DNAH8: variants seen among roughly 807,000 people sequenced by gnomAD.
DNAH8 encodes the protein dynein axonemal heavy chain 8, also known as axonemal beta dynein heavy chain 8.
DNAH8 carries 382 observed loss-of-function variants against 562.1 expected under a neutral mutation model. The observed-to-expected ratio is 0.68, with a 90% CI of 0.63 to 0.74. The LOEUF (loss-of-function observed/expected upper bound fraction) is 0.74, where lower values mean the gene tolerates loss of function less well. Ranked by LOEUF, DNAH8 falls within the 30% of genes least tolerant of loss-of-function variation. The pLI is 0.00. For synonymous variants in DNAH8, 1,881 were observed against 1,919.4 expected (o/e 0.98, Z 0.52); for missense variants, 5,203 against 5,620.4 (o/e 0.93, Z 2.37).
rs554862214 is a variant in DNAH8, at chr6:38,942,638, T to C, written c.12008-2829T>C. 7.9e-5 allele frequency among the ~76,000 whole-genome samples: 12 copies of C among 152,270 alleles called. No individual in the cohort carries two copies. In the South Asian group the frequency reaches 2.5e-3, roughly 32 times the overall value. On this transcript the variant is annotated intron_variant, in intron 79 of 92. Coordinates refer to ENST00000327475, the MANE Select transcript of DNAH8 (RefSeq NM_001206927.2). ...AAAGCTGTCAAGAAAGAGAACTTTGTACCTGCAGACAAAGGACCAATGCCA... is the reference window on the plus strand; with the variant it reads ...AAAGCTGTCAAGAAAGAGAACTTTGCACCTGCAGACAAAGGACCAATGCCA...
At chr6:39,027,757 C>T (rs1275752716) in intron 92 of DNAH8, among the ~76,000 whole-genome samples, 1 of 151,930 alleles carries the variant, frequency 6.6e-6, no homozygotes, top group Non-Finnish European at 1.5e-5. Flanking sequence ...ATACAGGAGG[C>T]GGAGGTTGCG....
At chr6:38,717,324 C>CTTAT in intron 1 of DNAH8, among the ~76,000 whole-genome samples, 1 of 152,098 alleles carries the variant, frequency 6.6e-6, no homozygotes, top group East Asian at 1.9e-4. Context: ...AATTTCAGGT[C>CTTAT]TTATTTATTT....
At chr6:38,791,297 C>T (rs1018699266) in intron 20 of DNAH8, among the ~76,000 whole-genome samples, 1 of 152,144 alleles carries the variant, frequency 6.6e-6, no homozygotes, top group Admixed American at 6.5e-5. Context: ...ATCAGTGCCT[C>T]CTGTGCTGGA....
At chr6:38,868,741 G>T (rs746166240) in intron 48 of DNAH8, among the ~76,000 whole-genome samples, 2 of 151,410 alleles carry the variant, frequency 1.3e-5, no homozygotes, top group Non-Finnish European at 2.9e-5. Flanking sequence ...TGCAATCTTG[G>T]CTCACTGCAA....
chr6:38,782,853 A>G (rs1466932928), intron 16 of DNAH8, 151 bp from the exon 17 acceptor site: 6 of 655,780 alleles, frequency 9.1e-6, no homozygotes, highest in African/African-American at 3.7e-5. Context: ...TCTTGCTGAT[A>G]TGGCCTTCCC....
In DNAH8 at chr6:38,982,350, G is replaced by A. The variant is rs749782079; in HGVS notation, c.12839G>A (p.Arg4280Gln). 2 of 1,554,102 alleles carry A rather than the reference G, an allele frequency of 1.3e-6. No individual in the cohort carries two copies. Among genetic ancestry groups the A allele is most frequent in the Middle Eastern group, 1.7e-4 (1 of 5,928 alleles). ...VAFLHSTVQE[R>Q]RKFGPLGWNI... ...CTTTTCTTTGGTGTTTTTAAGGAGC[G>A]ACGAAAATTTGGCCCCTTAGGATGG... Residue 4280 changes from arginine (R) to glutamine (Q), a missense_variant, in exon 86 of 93, where the codon CGA becomes CAA. By Grantham distance (43) the Arg-to-Gln change is conservative. Coordinates refer to ENST00000327475, the MANE Select transcript of DNAH8 (RefSeq NM_001206927.2).
chr6:38,984,412 T>G (rs770645488), intron 87 of DNAH8, 105 bp downstream of exon 87: 1 of 713,258 alleles, frequency 1.4e-6, no homozygotes, highest in South Asian at 1.6e-5. Flanking sequence ...GCAGAGCTGC[T>G]GCAAAGAATT....
Position 38,803,242 on chromosome 6 carries a change from A to G in DNAH8, c.2965A>G (p.Arg989Gly). Residue 989 changes from arginine (R) to glycine (G), a missense_variant, in exon 22 of 93, where the codon AGA becomes GGA. By Grantham distance (125) the Arg-to-Gly change is moderately radical. Around this residue, in one of 6 missense-constraint regions of DNAH8, gnomAD observed 2,176 missense variants for 2,365.1 expected, o/e 0.92. Coordinates refer to ENST00000327475, the MANE Select transcript of DNAH8 (RefSeq NM_001206927.2). The stretch of plus-strand genomic sequence containing the variant: ...AAGTAAGCATGTGGAAGAAGCTGTC[A>G]GAGAACTTATATCAATATTTGAGCA... ...HKSKHVEEAVRELISIFEQIY... is the reference protein window; with the variant it reads ...HKSKHVEEAVGELISIFEQIY... The G allele has an allele frequency of 6.2e-7, 1 of 1,610,686 alleles. No homozygotes were observed. The highest frequency in any genetic ancestry group is 1.1e-5 in the South Asian group (1 of 90,492).
chr6:38,887,357 A>G (rs1779004330), intron 57 of DNAH8, among the ~76,000 whole-genome samples: 1 of 152,252 alleles, frequency 6.6e-6, no homozygotes, highest in Non-Finnish European at 1.5e-5. Context: ...GCACTTCAAT[A>G]TGTTAATGAA....
Position 38,790,358 on chromosome 6 carries a change from C to T in DNAH8, c.2734C>T (p.Gln912Ter). 6.2e-7 allele frequency: 1 copy of T among 1,607,440 alleles called. No homozygotes were observed. Among genetic ancestry groups the T allele is most frequent in the African/African-American group, 1.3e-5 (1 of 74,468 alleles). Residue 912 changes from glutamine to a stop codon, truncating the protein, a stop_gained, in exon 20 of 93, where the codon CAA (glutamine) becomes TAA (stop). Transcript: ENST00000327475. LOFTEE classifies it high-confidence loss of function. ...WSSLTLESFFQEVELVLDMFN... is the reference protein window; with the variant it reads ...WSSLTLESFF ...GTCTTTAACACTGGAAAGCTTCTTT[C>T]AAGAAGTCGAATTAGTTTTGGATAT... is the stretch of plus-strand genomic sequence containing the variant.
At chr6:38,964,717 A>G (rs1005470460) in intron 82 of DNAH8, among the ~76,000 whole-genome samples, 3 of 152,174 alleles carry the variant, frequency 2.0e-5, no homozygotes, top group African/African-American at 7.2e-5. Flanking sequence ...TTCTGATAAT[A>G]TTTGATGACA....
rs749296537 is a variant in DNAH8, at chr6:38,894,860, G to T, written c.8743G>T (p.Asp2915Tyr). ...ACACGAGTGCAGCAGAGTAATTGCAGACAGGTGCGTGTTGCGGCACTAGAG... is the reference window on the plus strand; with the variant it reads ...ACACGAGTGCAGCAGAGTAATTGCATACAGGTGCGTGTTGCGGCACTAGAG... ...FKHECSRVIA[D>Y]RFITPEDEQW... The change falls in exon 59 of 93, where the codon GAC (aspartate) becomes TAC (tyrosine). Residue 2915 changes from aspartate to tyrosine, a missense_variant. Asp to Tyr is a radical substitution (Grantham distance 160, BLOSUM62 -3). Coordinates refer to ENST00000327475, the MANE Select transcript of DNAH8 (RefSeq NM_001206927.2). 4.3e-6 allele frequency: 7 copies of T among 1,613,264 alleles called. No individual in the cohort carries two copies. The highest frequency in any genetic ancestry group is 5.9e-6 in the Non-Finnish European group (7 of 1,179,764).
At position 38,826,398 on chromosome 6, in the gene DNAH8, A is replaced by C; in HGVS notation, c.4083+7A>C. The C allele has an allele frequency of 6.4e-7, 1 of 1,553,250 alleles. No individual in the cohort carries two copies. Among genetic ancestry groups the C allele is most frequent in the Non-Finnish European group, 8.7e-7 (1 of 1,146,062 alleles). On this transcript the variant is annotated splice_region_variant and intron_variant, in intron 29 of 92. Transcript: ENST00000327475. ...GACTTTGGGACCAATTGAAGTAAGA[A>C]ATGATTGCATTTTTTTTTCTTGGAA...
chr6:38,982,794 T>C lies in DNAH8; in HGVS notation c.12951+332T>C, dbSNP rs188977321. Among the ~76,000 whole-genome samples, 527 of 152,362 alleles carry C rather than the reference T, an allele frequency of 3.5e-3. 2 individuals are homozygous for C. Among genetic ancestry groups the C allele is most frequent in the Non-Finnish European group, 5.7e-3 (385 of 68,040 alleles). On this transcript the variant is annotated intron_variant, in intron 86 of 92. Coordinates refer to ENST00000327475, the MANE Select transcript of DNAH8 (RefSeq NM_001206927.2). ...ACTCCTGCCTCCTCAGAAGTGAAGA[T>C]GGTATCTGCCTGCCCATGCGAAAGT... is the stretch of plus-strand genomic sequence containing the variant.
intron 10 of DNAH8, among the ~76,000 whole-genome samples, chr6:38,756,286 G>A (rs988802929): frequency 5.3e-5 from 8 of 152,010 alleles, no homozygotes; most frequent in Admixed American, 2.0e-4. Context: ...TCAGATGTAA[G>A]CCCCAATACT....
At chr6:38,961,654 A>T (rs900858288) in intron 82 of DNAH8, among the ~76,000 whole-genome samples, 1 of 152,022 alleles carries the variant, frequency 6.6e-6, no homozygotes, top group South Asian at 2.1e-4. Flanking sequence ...AAAATTCAAC[A>T]CTTATATTTG....
At chr6:38,726,546 C>T (rs1336312329) in intron 3 of DNAH8, among the ~76,000 whole-genome samples, 2 of 152,158 alleles carry the variant, frequency 1.3e-5, no homozygotes, top group African/African-American at 4.8e-5. Flanking sequence ...ACTGCTTAGG[C>T]TGCAAGGAAT....
intron 8 of DNAH8, among the ~76,000 whole-genome samples, chr6:38,745,342 A>G (rs1764839777): frequency 6.6e-6 from 1 of 152,256 alleles, no homozygotes; most frequent in South Asian, 2.1e-4. Context: ...AGGCTAATGC[A>G]TTAACTTCTA....
At chr6:38,912,869 G>C (rs1452698144) in intron 66 of DNAH8, among the ~76,000 whole-genome samples, 1 of 151,720 alleles carries the variant, frequency 6.6e-6, no homozygotes, top group Non-Finnish European at 1.5e-5. Flanking sequence ...GAGTGCAATG[G>C]CGTGATCTCT....
Sources: gnomAD v4.1 joint callset for allele counts (sites outside exome capture counted in the v4.1 genomes callset) on GRCh38, gnomAD v4.1.1 for gene constraint, gnomAD v4.1.1 regional missense constraint, MANE v1.5 for transcripts, NCBI Gene and HGNC (gene_info 2026-07-23, HGNC 2026-07-21) for gene names.